ABCA4: variants seen among roughly 807,000 people sequenced by gnomAD.
The protein encoded by ABCA4 is ATP binding cassette subfamily A member 4.
Under a neutral mutation model 263.7 loss-of-function variants are expected in ABCA4, and 196 were observed. The ratio of observed to expected loss-of-function variants is 0.74; its 90% CI spans 0.66 to 0.84. The LOEUF is 0.84. ABCA4 is among the 40% of genes least tolerant of loss of function. ABCA4 has a pLI of 0.00. For missense variants in ABCA4, 2,792 were observed against 2,855.1 expected, an observed-to-expected ratio of 0.98 and a Z score of 0.50; for synonymous variants, 1,133 against 1,094.2, an observed-to-expected ratio of 1.04 and a Z score of -0.70.
rs758366412 is a variant in ABCA4, at chr1:94,043,292, T to C, written c.3190+44A>G. On this transcript the variant is annotated intron_variant, in intron 21 of 49. Coordinates refer to ENST00000370225, the MANE Select transcript of ABCA4 (RefSeq NM_000350.3). ...GCCTCCTGGGTGCACTGGGGAGCCATGGATTTGCCATCTGTGGCCCTGTCT... is the reference window on the plus strand; with the variant it reads ...GCCTCCTGGGTGCACTGGGGAGCCACGGATTTGCCATCTGTGGCCCTGTCT... The C allele has an allele frequency of 4.3e-6, 7 of 1,613,538 alleles. No homozygotes were observed. In the South Asian group the frequency reaches 5.5e-5, roughly 13 times the overall value.
At chr1:94,018,582 T>A (rs1415125222) in intron 36 of ABCA4, 1 of 455,962 alleles carries the variant, frequency 2.2e-6, no homozygotes, top group South Asian at 1.5e-5. Context: ...ACCATCATTT[T>A]AAAAAACCAT....
At chr1:94,077,540 G>A (rs1661568098) in intron 11 of ABCA4, 150 bp downstream of exon 11, 1 of 702,192 alleles carries the variant, frequency 1.4e-6, no homozygotes, top group Non-Finnish European at 2.3e-6. Flanking sequence ...GTTAGAGAAT[G>A]AGAACTGTAC....
chr1:94,025,227 C>A (rs1237955679), intron 30 of ABCA4, among the ~76,000 whole-genome samples, 179 bp from the exon 31 acceptor site: 1 of 152,180 alleles, frequency 6.6e-6, no homozygotes, highest in African/African-American at 2.4e-5. Flanking sequence ...ATCTTTGATG[C>A]CTCTTTTTTC....
chr1:94,079,549 C>A, intron 8 of ABCA4, 88 bp from the exon 9 acceptor site: 1 of 1,571,608 alleles, frequency 6.4e-7, no homozygotes, highest in Non-Finnish European at 8.8e-7. Context: ...TCACATGTCT[C>A]ATTCAACTCC....
intron 19 of ABCA4, among the ~76,000 whole-genome samples, chr1:94,045,180 G>C (rs774015416): frequency 6.6e-6 from 1 of 152,210 alleles, no homozygotes; most frequent in Non-Finnish European, 1.5e-5. Flanking sequence ...TAAAGCCCGG[G>C]TAAGGTCTTG....
rs896742456 is a variant in ABCA4, at chr1:94,118,190, C to T, written c.66+2790G>A. On this transcript the variant is annotated intron_variant, in intron 1 of 49. Transcript: ENST00000370225. ...GGGGGGATCACAGAGAGGCCTCTCT[C>T]GTGGAACTGTTCGGAGAGTTCAGGG... Among the ~76,000 whole-genome samples, 10 of 151,988 alleles carry T rather than the reference C, an allele frequency of 6.6e-5. No individual in the cohort carries two copies. In the East Asian group the frequency reaches 7.7e-4, roughly 12 times the overall value.
chr1:94,031,034 A>G lies in ABCA4; in HGVS notation c.4215T>C (p.Leu1405=), dbSNP rs2101035767. 6 of 1,614,006 alleles carry G rather than the reference A, an allele frequency of 3.7e-6. No individual in the cohort carries two copies. Among genetic ancestry groups the G allele is most frequent in the Non-Finnish European group, 4.2e-6 (5 of 1,180,010 alleles). Residue 1405 remains leucine, a synonymous_variant, in exon 28 of 50, where the codon CTT becomes CTC. Transcript: ENST00000370225. ...PPFGEYPALT[L]HPWIYGQQYT... The stretch of plus-strand genomic sequence containing the variant: ...ACTGCTGCCCATATATCCAGGGGTG[A>G]AGGGTCAAAGCGGGGTATTCGCCAA...
chr1:94,032,149 G>A, intron 26 of ABCA4, 106 bp from the exon 27 acceptor site: 6 of 1,392,676 alleles, frequency 4.3e-6, no homozygotes, highest in Non-Finnish European at 5.0e-6. Context: ...CTTCATTTAA[G>A]TCAGCAATGA....
chr1:94,024,004 G>A (rs1428248765), intron 31 of ABCA4, among the ~76,000 whole-genome samples: 2 of 152,182 alleles, frequency 1.3e-5, no homozygotes, highest in Non-Finnish European at 2.9e-5. Flanking sequence ...CTGGAGATTT[G>A]CTGCTGAGAA....
At chr1:93,995,054 G>A (rs895738607) in intron 49 of ABCA4, among the ~76,000 whole-genome samples, 5 of 152,200 alleles carry the variant, frequency 3.3e-5, no homozygotes, top group Non-Finnish European at 7.3e-5. Context: ...CTATAAATGG[G>A]AATCAGTGGC....
intron 4 of ABCA4, among the ~76,000 whole-genome samples, chr1:94,105,917 C>T (rs939603381): frequency 6.6e-6 from 1 of 152,208 alleles, no homozygotes; most frequent in African/African-American, 2.4e-5. Flanking sequence ...CCCACCCGCT[C>T]GCTTTCAAAG....
Position 94,026,311 on chromosome 1 carries a change from G to A in ABCA4, c.4540-1263C>T, listed in dbSNP as rs373574864. Among the ~76,000 whole-genome samples the A allele has an allele frequency of 2.6e-3, 401 of 152,188 alleles. 4 individuals are homozygous for A. Among genetic ancestry groups the A allele is most frequent in the Non-Finnish European group, 4.5e-3 (305 of 68,018 alleles). On this transcript the variant is annotated intron_variant, in intron 30 of 49. Transcript: ENST00000370225. ...GCCAGGAGGAGAGCTGGCACCTACCGAATGCTCCCTGTGTGTCGGGCACTA... is the reference window on the plus strand; with the variant it reads ...GCCAGGAGGAGAGCTGGCACCTACCAAATGCTCCCTGTGTGTCGGGCACTA...
chr1:94,093,664 A>T lies in ABCA4; in HGVS notation c.768+5130T>A, dbSNP rs567178393. Among the ~76,000 whole-genome samples, 17 of 152,242 alleles carry T rather than the reference A, an allele frequency of 1.1e-4. No individual in the cohort carries two copies. In the East Asian group the frequency reaches 2.9e-3, roughly 26 times the overall value. ...TTGTAAATCCATAAAAGAACATCTG[A>T]TCTGTCATGAAAATAAGCCCTGGCC... is the stretch of plus-strand genomic sequence containing the variant. On this transcript the variant is annotated intron_variant, in intron 6 of 49. Coordinates refer to ENST00000370225, the MANE Select transcript of ABCA4 (RefSeq NM_000350.3).
At chr1:94,081,695 C>T (rs912695336) in intron 7 of ABCA4, among the ~76,000 whole-genome samples, 2 of 152,100 alleles carry the variant, frequency 1.3e-5, no homozygotes, top group Admixed American at 6.5e-5. Context: ...TGGAAAAACA[C>T]TTTTTCAATT....
At position 94,031,789 on chromosome 1, in the gene ABCA4, A is replaced by C; in HGVS notation, c.4117T>G (p.Phe1373Val). 3 of 1,613,786 alleles carry C rather than the reference A, an allele frequency of 1.9e-6. No homozygotes were observed. The highest frequency in any genetic ancestry group is 2.5e-6 in the Non-Finnish European group (3 of 1,180,034). Reference protein sequence around the residue: ...FQHTIRSHKDFLAQIVLPATF... With the variant: ...FQHTIRSHKDVLAQIVLPATF... ...ACCGACAATAGTACCTGCGCCAGGA[A>C]GTCCTTGTGGCTGCGGATGGTGTGT... is the stretch of plus-strand genomic sequence containing the variant. Residue 1373 changes from phenylalanine to valine, a missense_variant, in exon 27 of 50, where the codon TTC (phenylalanine) becomes GTC (valine). Coordinates refer to ENST00000370225, the MANE Select transcript of ABCA4 (RefSeq NM_000350.3).
In ABCA4 at chr1:94,048,959, T is replaced by C. The variant is rs2101059901; in HGVS notation, c.2654-2A>G. The C allele has an allele frequency of 6.2e-7, 1 of 1,613,898 alleles. No homozygotes were observed. Among genetic ancestry groups the C allele is most frequent in the Non-Finnish European group, 8.5e-7 (1 of 1,179,912 alleles). ...CTCTTTCTTCTCTGGTTGAACACCCTGCACCAATCAGAAGCCAGTGTTACT... is the reference window on the plus strand; with the variant it reads ...CTCTTTCTTCTCTGGTTGAACACCCCGCACCAATCAGAAGCCAGTGTTACT... On this transcript the variant is annotated splice_acceptor_variant, in intron 17 of 49. Transcript: ENST00000370225. LOFTEE classifies it high-confidence loss of function.
chr1:94,048,273 C>G (rs1377886085), intron 18 of ABCA4, among the ~76,000 whole-genome samples: 2 of 151,778 alleles, frequency 1.3e-5, no homozygotes, highest in African/African-American at 4.8e-5. Context: ...AATGAAAAGC[C>G]TTGGGAGAAA....
intron 7 of ABCA4, among the ~76,000 whole-genome samples, chr1:94,082,808 G>T (rs772765564): frequency 6.6e-6 from 1 of 152,110 alleles, no homozygotes; most frequent in Non-Finnish European, 1.5e-5. Context: ...TATCTATTGC[G>T]TGGAAGAATC....
At chr1:93,995,494 G>A (rs1348163689) in intron 49 of ABCA4, among the ~76,000 whole-genome samples, 1 of 152,102 alleles carries the variant, frequency 6.6e-6, no homozygotes, top group Non-Finnish European at 1.5e-5. Flanking sequence ...CCTTACATGG[G>A]GCACTGTGCC....
Sources: gnomAD v4.1 joint callset for allele counts (sites outside exome capture counted in the v4.1 genomes callset) on GRCh38, gnomAD v4.1.1 for gene constraint, MANE v1.5 for transcripts, NCBI Gene and HGNC (gene_info 2026-07-23, HGNC 2026-07-21) for gene names.